Variants in CACUL1 observed in about 807,000 individuals in gnomAD.
CACUL1 encodes CDK2-associated and cullin domain-containing protein 1.
A neutral mutation model predicts 45.2 loss-of-function variants in CACUL1; 13 were observed. That is an observed-to-expected ratio of 0.29 (90% confidence interval 0.19 to 0.46). CACUL1 has a LOEUF of 0.46. Ranked by LOEUF, CACUL1 falls within the 20% of genes least tolerant of loss-of-function variation. The pLI is 1.00. For synonymous variants in CACUL1, 197 were observed against 174.2 expected (o/e 1.13, Z -1.03); for missense variants, 421 against 471.4 (o/e 0.89, Z 0.99).
Position 118,754,866 on chromosome 10 carries a change from G to A in CACUL1, c.-104C>T. 3 of 1,447,462 alleles carry A rather than the reference G, an allele frequency of 2.1e-6. No individual in the cohort carries two copies. The highest frequency in any genetic ancestry group is 2.8e-6 in the Non-Finnish European group (3 of 1,085,734). The allele number at this position is 1,447,462 out of a possible 1,614,324, so 89.7% of individuals were successfully genotyped here. A position where few individuals can be genotyped will look rare whatever the true frequency, so the allele number is the denominator to read the frequency against. ...TCCCCGAGTTACATCGCCGGCGGCAGGAATGGGCGCAGCGGAGAGGGCTGC... is the reference window on the plus strand; with the variant it reads ...TCCCCGAGTTACATCGCCGGCGGCAAGAATGGGCGCAGCGGAGAGGGCTGC... On this transcript the variant is annotated 5_prime_UTR_variant, in exon 1 of 9. Coordinates refer to ENST00000369151, the MANE Select transcript of CACUL1 (RefSeq NM_153810.5).
chr10:118,726,107 T>C (rs917225580), intron 3 of CACUL1, among the ~76,000 whole-genome samples: 2 of 152,212 alleles, frequency 1.3e-5, no homozygotes. Context: ...TATTTCATTA[T>C]GAAAACCAGA....
rs1420633240 is a variant in CACUL1, at chr10:118,683,184, T to A, written c.*2944A>T. ...ACTTTTACATGTCATTTTTTCAAGA[T>A]GACTGACCCGGCTTTCCTTTTAAGG... On this transcript the variant is annotated 3_prime_UTR_variant, in exon 9 of 9. Transcript: ENST00000369151. 6.6e-6 allele frequency: 1 copy of A among 152,152 alleles called. No homozygotes were observed. Among genetic ancestry groups the A allele is most frequent in the East Asian group, 1.9e-4 (1 of 5,192 alleles). 9.4% of individuals were successfully genotyped at this position (152,152 alleles called of 1,614,324 possible).
chr10:118,754,884 A>AGGGCTGCGGTGCGCAGGGTCTC lies in CACUL1; in HGVS notation c.-144_-123dup. The AGGGCTGCGGTGCGCAGGGTCTC allele has an allele frequency of 7.4e-7, 1 of 1,354,292 alleles. No individual in the cohort carries two copies. The highest frequency in any genetic ancestry group is 1.5e-5 in the South Asian group (1 of 68,480). 83.9% of individuals were successfully genotyped at this position (1,354,292 alleles called of 1,614,324 possible). On this transcript the variant is annotated 5_prime_UTR_variant, in exon 1 of 9. Coordinates refer to ENST00000369151, the MANE Select transcript of CACUL1 (RefSeq NM_153810.5). ...GGCGGCAGGAATGGGCGCAGCGGAG[A>AGGGCTGCGGTGCGCAGGGTCTC]GGGCTGCGGTGCGCAGGGTCTCTCG...
intron 2 of CACUL1, 40 bp downstream of exon 2, chr10:118,730,244 T>C (rs750861760): frequency 3.1e-6 from 5 of 1,607,536 alleles, no homozygotes; most frequent in Non-Finnish European, 4.3e-6. Flanking sequence ...TGAACCTTAG[T>C]ATACCCTTTC....
chr10:118,729,702 TTC>T (rs1056535301), intron 2 of CACUL1, among the ~76,000 whole-genome samples: 2 of 152,168 alleles, frequency 1.3e-5, no homozygotes, highest in Non-Finnish European at 2.9e-5. Context: ...ATAAACCAGG[TTC>T]TCTCTCTCTT....
At position 118,703,303 on chromosome 10, in the gene CACUL1, T is replaced by C. The variant is rs962852338; in HGVS notation, c.694-1895A>G. Among the ~76,000 whole-genome samples, 3 of 151,884 alleles carry C rather than the reference T, an allele frequency of 2.0e-5. No homozygotes were observed. In the South Asian group the frequency reaches 6.2e-4, roughly 31 times the overall value. On this transcript the variant is annotated intron_variant, in intron 4 of 8. Coordinates refer to ENST00000369151, the MANE Select transcript of CACUL1 (RefSeq NM_153810.5). ...GTTCCTTGCATATACATGGATATGCTTTTTTCCCCCTAAAAAAAAAAAATA... is the reference window on the plus strand; with the variant it reads ...GTTCCTTGCATATACATGGATATGCCTTTTTCCCCCTAAAAAAAAAAAATA...
At chr10:118,714,192 C>T (rs555834700) in intron 3 of CACUL1, among the ~76,000 whole-genome samples, 12 of 152,256 alleles carry the variant, frequency 7.9e-5, no homozygotes, top group African/African-American at 2.2e-4. Context: ...TTTTCTGAAA[C>T]GATCAATGAA....
At chr10:118,687,591 A>C (rs1052135253) in intron 7 of CACUL1, among the ~76,000 whole-genome samples, 1 of 152,214 alleles carries the variant, frequency 6.6e-6, no homozygotes, top group African/African-American at 2.4e-5. Flanking sequence ...TGAGAGCCAG[A>C]GTGATCTCAT....
At position 118,679,009 on chromosome 10, in the gene CACUL1, TTTTCCTTTTTGTAG is replaced by T. The variant is rs1452778254; in HGVS notation, c.*7105_*7118del. 1 of 152,146 alleles carries T rather than the reference TTTTCCTTTTTGTAG, an allele frequency of 6.6e-6. No individual in the cohort carries two copies. The highest frequency in any genetic ancestry group is 1.5e-5 in the Non-Finnish European group (1 of 68,034). The allele number at this position is 152,146 out of a possible 1,614,324, so 9.4% of individuals were successfully genotyped here. A position where few individuals can be genotyped will look rare whatever the true frequency, so the allele number is the denominator to read the frequency against. The stretch of plus-strand genomic sequence containing the variant: ...CTATTTCTCTTTGTAGTGTGTTCAT[TTTTCCTTTTTGTAG>T]TTTTCTTTTAACTTTTTAAATATTT... On this transcript the variant is annotated 3_prime_UTR_variant, in exon 9 of 9. Transcript: ENST00000369151.
intron 1 of CACUL1, among the ~76,000 whole-genome samples, chr10:118,734,552 A>C (rs954848805): frequency 6.6e-6 from 1 of 152,242 alleles, no homozygotes; most frequent in African/African-American, 2.4e-5. Context: ...TATTTAAAGA[A>C]GGCACTACAG....
chr10:118,731,529 G>A (rs2119644098), intron 1 of CACUL1, among the ~76,000 whole-genome samples: 2 of 152,230 alleles, frequency 1.3e-5, no homozygotes, highest in East Asian at 3.9e-4. Context: ...GAACTACTGA[G>A]GAATGTTCAC....
At chr10:118,744,642 T>G (rs1845824602) in intron 1 of CACUL1, among the ~76,000 whole-genome samples, 1 of 152,134 alleles carries the variant, frequency 6.6e-6, no homozygotes, top group Non-Finnish European at 1.5e-5. Flanking sequence ...TTACATAAAT[T>G]TCATTCCAAG....
At chr10:118,748,763 G>A (rs1369660380) in intron 1 of CACUL1, among the ~76,000 whole-genome samples, 1 of 152,188 alleles carries the variant, frequency 6.6e-6, no homozygotes, top group Non-Finnish European at 1.5e-5. Flanking sequence ...ATGAGGGATA[G>A]TCAACCTGTA....
rs1042451483 is a variant in CACUL1, at chr10:118,677,547, A to G, written c.*8581T>C. 2.0e-5 allele frequency: 3 copies of G among 152,154 alleles called. No homozygotes were observed. The highest frequency in any genetic ancestry group is 7.2e-5 in the African/African-American group (3 of 41,412). 9.4% of individuals were successfully genotyped at this position (152,154 alleles called of 1,614,324 possible). A position where few individuals can be genotyped will look rare whatever the true frequency, so the allele number is the denominator to read the frequency against. On this transcript the variant is annotated 3_prime_UTR_variant, in exon 9 of 9. Coordinates refer to ENST00000369151, the MANE Select transcript of CACUL1 (RefSeq NM_153810.5). Reference sequence around the variant, plus strand: ...GAATGTTAATAACTGTCTTTCCTTTATAGCTTTACTACTTGTGTCTGAGTC... The same window carrying G: ...GAATGTTAATAACTGTCTTTCCTTTGTAGCTTTACTACTTGTGTCTGAGTC...
In CACUL1 at chr10:118,677,796, C is replaced by G. The variant is rs1472192582; in HGVS notation, c.*8332G>C. 1 of 152,170 alleles carries G rather than the reference C, an allele frequency of 6.6e-6. No homozygotes were observed. Among genetic ancestry groups the G allele is most frequent in the African/African-American group, 2.4e-5 (1 of 41,452 alleles). 9.4% of individuals were successfully genotyped at this position (152,170 alleles called of 1,614,324 possible). A position where few individuals can be genotyped will look rare whatever the true frequency, so the allele number is the denominator to read the frequency against. On this transcript the variant is annotated 3_prime_UTR_variant, in exon 9 of 9. Transcript: ENST00000369151. ...CCTCCTTCATTCCTTTTAATTATTA[C>G]ACATAATGCTGTTATAAACATCCCT...
chr10:118,699,021 G>A (rs757781106), intron 5 of CACUL1, among the ~76,000 whole-genome samples: 24 of 152,130 alleles, frequency 1.6e-4, no homozygotes, highest in Non-Finnish European at 2.2e-4. Context: ...CTTTGTCTCC[G>A]TTTCTCCATC....
At chr10:118,704,421 G>A (rs1845414163) in intron 4 of CACUL1, among the ~76,000 whole-genome samples, 1 of 152,144 alleles carries the variant, frequency 6.6e-6, no homozygotes, top group South Asian at 2.1e-4. Context: ...AGGTGATAGA[G>A]ACAGAAGGCA....
At chr10:118,698,538 G>A (rs1845345911) in intron 5 of CACUL1, among the ~76,000 whole-genome samples, 1 of 152,156 alleles carries the variant, frequency 6.6e-6, no homozygotes, top group Non-Finnish European at 1.5e-5. Flanking sequence ...GTGGCACTGT[G>A]CCAGTTTCTG....
At chr10:118,689,865 G>A (rs1004623265) in intron 7 of CACUL1, among the ~76,000 whole-genome samples, 3 of 152,118 alleles carry the variant, frequency 2.0e-5, no homozygotes, top group Admixed American at 1.3e-4. Flanking sequence ...TTTTCAGAAG[G>A]CTGTCTTTTT....
Sources: gnomAD v4.1 joint callset for allele counts (sites outside exome capture counted in the v4.1 genomes callset) on GRCh38, gnomAD v4.1.1 for gene constraint, MANE v1.5 for transcripts, NCBI Gene and HGNC (gene_info 2026-07-23, HGNC 2026-07-21) for gene names.